Variants in CSMD1 observed in about 807,000 individuals in gnomAD.
The protein encoded by CSMD1 is CUB and Sushi multiple domains 1.
In CSMD1, 213 loss-of-function variants were observed where a neutral mutation model predicts 417.5. That is an observed-to-expected ratio of 0.51 (90% CI 0.46 to 0.57). The LOEUF (loss-of-function observed/expected upper bound fraction) is 0.57. Ranked by LOEUF, CSMD1 falls within the 20% of genes least tolerant of loss-of-function variation. The probability of loss-of-function intolerance (pLI) is 0.00; values close to 1 mark genes in which losing one functional copy is unlikely to be tolerated. For synonymous variants in CSMD1, 2,862 were observed against 1,736.8 expected, an observed-to-expected ratio of 1.65 and a Z score of -16.11; for missense variants, 6,923 against 4,529.7, an observed-to-expected ratio of 1.53 and a Z score of -15.17.
intron 5 of CSMD1, among the ~76,000 whole-genome samples, chr8:3,940,718 C>G (rs1260330156): frequency 1.3e-5 from 2 of 151,788 alleles, no homozygotes; most frequent in African/African-American, 2.4e-5. Context: ...AAATTTCATA[C>G]TAGCATTCAT....
intron 5 of CSMD1, among the ~76,000 whole-genome samples, chr8:3,797,949 C>G (rs1322631305): frequency 6.6e-6 from 1 of 151,988 alleles, no homozygotes; most frequent in Non-Finnish European, 1.5e-5. Flanking sequence ...TAGCTGTTCT[C>G]ATAACTATTT....
rs372218942 is a variant in CSMD1, at chr8:3,387,542, C to T, written c.2734G>A (p.Val912Ile). 4.4e-6 allele frequency: 7 copies of T among 1,601,754 alleles called. No individual in the cohort carries two copies. The highest frequency in any genetic ancestry group is 1.3e-5 in the African/African-American group (1 of 74,654). ...GYTLSDDEPL[V>I]CERNHQWNHA... ...TTCCACTGGTGGTTCCTCTCACAGA[C>T]GAGGGGCTCGTCGTCACTTAGTGTG... Residue 912 changes from valine (V) to isoleucine (I), a missense_variant, in exon 18 of 70, where the codon GTC becomes ATC. By Grantham distance (29) the Val-to-Ile change is conservative. Coordinates refer to ENST00000635120, the MANE Select transcript of CSMD1 (RefSeq NM_033225.6).
intron 3 of CSMD1, among the ~76,000 whole-genome samples, chr8:4,106,473 G>T (rs1393308987): frequency 2.0e-5 from 3 of 152,056 alleles, no homozygotes; most frequent in Non-Finnish European, 4.4e-5. Context: ...CATTCTCTCT[G>T]CATTGCTCTT....
intron 6 of CSMD1, among the ~76,000 whole-genome samples, chr8:3,742,161 G>A (rs1796839328): frequency 6.6e-6 from 1 of 152,048 alleles, no homozygotes; most frequent in African/African-American, 2.4e-5. Flanking sequence ...TCGCCTTTCT[G>A]TAAAGTGAGT....
intron 12 of CSMD1, among the ~76,000 whole-genome samples, chr8:3,419,530 G>C (rs1035004815): frequency 6.6e-6 from 1 of 152,132 alleles, no homozygotes. Context: ...TTGCCTGTCA[G>C]GAGGAGGATA....
chr8:4,209,971 A>C (rs749495649), intron 3 of CSMD1, among the ~76,000 whole-genome samples: 1 of 152,116 alleles, frequency 6.6e-6, no homozygotes, highest in Non-Finnish European at 1.5e-5. Context: ...GGCACACTGG[A>C]GGAGGTGTCT....
At chr8:4,218,077 G>A (rs184370498) in intron 3 of CSMD1, among the ~76,000 whole-genome samples, 1 of 152,178 alleles carries the variant, frequency 6.6e-6, no homozygotes, top group African/African-American at 2.4e-5. Flanking sequence ...GCCTGAGGTT[G>A]CAATTTTTTG....
At chr8:4,391,661 G>C (rs752024006) in intron 3 of CSMD1, among the ~76,000 whole-genome samples, 2 of 152,052 alleles carry the variant, frequency 1.3e-5, no homozygotes, top group Non-Finnish European at 2.9e-5. Flanking sequence ...TGAGAAGTGG[G>C]AAGACGGCTT....
At chr8:4,293,423 A>G (rs1797483741) in intron 3 of CSMD1, among the ~76,000 whole-genome samples, 1 of 152,230 alleles carries the variant, frequency 6.6e-6, no homozygotes, top group South Asian at 2.1e-4. Flanking sequence ...GCTACGGCTA[A>G]AAAGTGTTTT....
At chr8:3,400,362 G>A (rs991341095) in intron 15 of CSMD1, among the ~76,000 whole-genome samples, 3 of 151,850 alleles carry the variant, frequency 2.0e-5, no homozygotes, top group Admixed American at 6.6e-5. Flanking sequence ...AATACTCCAA[G>A]GTGAAAAAAT....
At chr8:4,337,354 A>C (rs1800230037) in intron 3 of CSMD1, among the ~76,000 whole-genome samples, 1 of 152,000 alleles carries the variant, frequency 6.6e-6, no homozygotes, top group African/African-American at 2.4e-5. Flanking sequence ...ATTGTTGCAA[A>C]CTTCCACCTA....
intron 1 of CSMD1, among the ~76,000 whole-genome samples, chr8:4,739,424 C>T (rs945055787): frequency 1.3e-5 from 2 of 152,174 alleles, no homozygotes; most frequent in East Asian, 3.9e-4. Context: ...CCTCCCAACT[C>T]TCTACAATAT....
At position 3,096,886 on chromosome 8, in the gene CSMD1, T is replaced by G; in HGVS notation, c.7101A>C (p.Gln2367His). 1 of 1,557,292 alleles carries G rather than the reference T, an allele frequency of 6.4e-7. No individual in the cohort carries two copies. Among genetic ancestry groups the G allele is most frequent in the South Asian group, 1.2e-5 (1 of 84,410 alleles). ...YNITIFVDTF[Q>H]SEKQFDALEV... ...CCAGTGCATCAAACTGCTTTTCACT[T>G]TGAAATGTGTCCACAAAGATGGTAA... The change falls in exon 47 of 70, where the codon CAA (glutamine) becomes CAC (histidine). Residue 2367 changes from glutamine (Q) to histidine (H), a missense_variant. Physicochemically the swap from Gln to His is conservative, Grantham distance 24. Transcript: ENST00000635120.
chr8:4,178,269 G>A (rs942942951), intron 3 of CSMD1, among the ~76,000 whole-genome samples: 1 of 151,940 alleles, frequency 6.6e-6, no homozygotes, highest in Admixed American at 6.6e-5. Flanking sequence ...TGCAAGGCTG[G>A]TTCAATATAC....
At chr8:3,494,149 C>T (rs1796262481) in intron 10 of CSMD1, among the ~76,000 whole-genome samples, 1 of 152,154 alleles carries the variant, frequency 6.6e-6, no homozygotes, top group Admixed American at 6.5e-5. Context: ...ATGCATACTT[C>T]ATGGAATTAT....
chr8:4,933,666 A>AAAGG (rs1336120581), intron 1 of CSMD1, among the ~76,000 whole-genome samples: 2 of 152,170 alleles, frequency 1.3e-5, no homozygotes, highest in Non-Finnish European at 2.9e-5. Flanking sequence ...TGGATAGATG[A>AAAGG]AAGGAAGGAA....
chr8:3,196,377 G>A (rs1325348270), intron 33 of CSMD1, among the ~76,000 whole-genome samples: 1 of 152,102 alleles, frequency 6.6e-6, no homozygotes, highest in Admixed American at 6.5e-5. Context: ...GGCCCATGCT[G>A]CTGCTCTATG....
intron 1 of CSMD1, among the ~76,000 whole-genome samples, chr8:4,765,784 C>G (rs1263666421): frequency 6.6e-6 from 1 of 152,036 alleles, no homozygotes; most frequent in Non-Finnish European, 1.5e-5. Flanking sequence ...ATAGAGAGAG[C>G]CTGGGGGTTG....
intron 2 of CSMD1, among the ~76,000 whole-genome samples, chr8:4,480,585 T>G (rs1585144449): frequency 6.6e-6 from 1 of 152,322 alleles, no homozygotes; most frequent in East Asian, 1.9e-4. Flanking sequence ...ACGGTTTAGC[T>G]TCACCTTACA....
Sources: gnomAD v4.1 joint callset for allele counts (sites outside exome capture counted in the v4.1 genomes callset) on GRCh38, gnomAD v4.1.1 for gene constraint, MANE v1.5 for transcripts, NCBI Gene and HGNC (gene_info 2026-07-23, HGNC 2026-07-21) for gene names.